SCN2A: variants seen among roughly 807,000 people sequenced by gnomAD.
The protein encoded by SCN2A is sodium voltage-gated channel alpha subunit 2.
Under a neutral mutation model 188.7 loss-of-function variants are expected in SCN2A, and 20 were observed. The ratio of observed to expected loss-of-function variants is 0.11; its 90% CI spans 0.07 to 0.15. The LOEUF (loss-of-function observed/expected upper bound fraction) is 0.15, where lower values mean the gene tolerates loss of function less well. SCN2A is among the 10% of genes least tolerant of loss of function. The pLI, the probability that SCN2A is intolerant of heterozygous loss-of-function variation, is 1.00. For synonymous variants in SCN2A, 804 were observed against 833.1 expected, an observed-to-expected ratio of 0.97 and a Z score of 0.60; for missense variants, 1,278 against 2,445.0, an observed-to-expected ratio of 0.52 and a Z score of 10.07.
chr2:165,349,616 T>G (rs545526215), intron 16 of SCN2A, among the ~76,000 whole-genome samples: 1 of 152,330 alleles, frequency 6.6e-6, no homozygotes, highest in South Asian at 2.1e-4. Context: ...AAGATATAGT[T>G]TATAAAATAA....
intron 20 of SCN2A, 49 bp downstream of exon 20, chr2:165,370,348 G>A (rs1365550778): frequency 3.2e-6 from 5 of 1,585,778 alleles, no homozygotes; most frequent in Non-Finnish European, 4.3e-6. Flanking sequence ...ATATGTAATA[G>A]TTCTAGCAAT....
At chr2:165,337,483 T>C (rs1250497533) in intron 14 of SCN2A, among the ~76,000 whole-genome samples, 1 of 152,088 alleles carries the variant, frequency 6.6e-6, no homozygotes, top group African/African-American at 2.4e-5. Flanking sequence ...TATAAAATGT[T>C]AGTGAACATC....
intron 15 of SCN2A, 50 bp from the exon 16 acceptor site, chr2:165,344,505 A>AT (rs760737676): frequency 6.3e-5 from 77 of 1,229,738 alleles, no homozygotes; most frequent in Middle Eastern, 4.1e-4. Flanking sequence ...AAAATTGCAG[A>AT]TTTTTTTAGA....
intron 3 of SCN2A, among the ~76,000 whole-genome samples, chr2:165,302,840 C>G (rs59285490): frequency 0.02 from 3,036 of 152,194 alleles, 83 homozygotes; most frequent in African/African-American, 0.063. Flanking sequence ...ACAATTTTCA[C>G]TAAAAACTTG....
At chr2:165,345,191 G>A (rs1039682804) in intron 16 of SCN2A, among the ~76,000 whole-genome samples, 7 of 152,118 alleles carry the variant, frequency 4.6e-5, no homozygotes, top group African/African-American at 1.7e-4. Flanking sequence ...CTAGAGCATG[G>A]AAGTGTTACT....
intron 4 of SCN2A, 57 bp downstream of exon 4, chr2:165,307,994 AAC>A: frequency 1.7e-6 from 2 of 1,174,534 alleles, no homozygotes; most frequent in Non-Finnish European, 2.6e-6. Context: ...TTGTGCTTTT[AAC>A]ACCTTGAGAC....
intron 8 of SCN2A, 82 bp from the exon 9 acceptor site, chr2:165,313,538 C>T (rs1031630342): frequency 2.6e-6 from 4 of 1,533,688 alleles, no homozygotes; most frequent in Admixed American, 3.4e-5. Context: ...ATAAAACAGA[C>T]ATTGGCATAT....
intron 3 of SCN2A, among the ~76,000 whole-genome samples, chr2:165,306,081 G>T (rs904290711): frequency 5.9e-5 from 9 of 152,260 alleles, no homozygotes; most frequent in Admixed American, 3.9e-4. Flanking sequence ...GGAAAGAATT[G>T]GTCTCAATGT....
At chr2:165,388,574 T>G (rs1444356410) in intron 26 of SCN2A, 55 bp from the exon 27 acceptor site, 3 of 1,610,468 alleles carry the variant, frequency 1.9e-6, no homozygotes, top group African/African-American at 1.3e-5. Context: ...ATGTAAACTT[T>G]CATTTGCTAC....
chr2:165,308,899 TAGTA>T (rs1697282135), intron 5 of SCN2A, 105 bp downstream of exon 5: 1 of 1,380,040 alleles, frequency 7.2e-7, no homozygotes, highest in Admixed American at 1.9e-5. Context: ...GCATTTTTCT[TAGTA>T]ATCATAGTTT....
intron 1 of SCN2A, among the ~76,000 whole-genome samples, chr2:165,284,739 T>C (rs1695755183): frequency 6.6e-6 from 1 of 152,146 alleles, no homozygotes; most frequent in Admixed American, 6.5e-5. Flanking sequence ...TCCTGGGAAA[T>C]TTTCTTTCTT....
chr2:165,314,558 A>G (rs963439769), intron 10 of SCN2A, among the ~76,000 whole-genome samples: 2 of 152,186 alleles, frequency 1.3e-5, no homozygotes, highest in Non-Finnish European at 2.9e-5. Flanking sequence ...TGAGTCTGGA[A>G]AGGCAAAGGC....
chr2:165,324,852 A>C (rs1698267309), intron 12 of SCN2A, among the ~76,000 whole-genome samples: 1 of 152,190 alleles, frequency 6.6e-6, no homozygotes, highest in Non-Finnish European at 1.5e-5. Flanking sequence ...AATTTCTTTA[A>C]ATCAAAAAGA....
intron 20 of SCN2A, 55 bp from the exon 21 acceptor site, chr2:165,373,170 C>T (rs762774827): frequency 3.3e-5 from 53 of 1,584,902 alleles, no homozygotes; most frequent in Non-Finnish European, 4.3e-5. Context: ...CAAGGCTGAA[C>T]TGTGTAGACA....
Position 165,381,087 on chromosome 2 carries a change from C to T in SCN2A, c.4447-6C>T, listed in dbSNP as rs1173151782. Reference sequence around the variant, plus strand: ...ATTTTAACAAGTGTTGCTTTCATTTCTTTACTTTGGAGGTCAAGACATTTT... The same window carrying T: ...ATTTTAACAAGTGTTGCTTTCATTTTTTTACTTTGGAGGTCAAGACATTTT... On this transcript the variant is annotated splice_region_variant and splice_polypyrimidine_tract_variant and intron_variant, in intron 24 of 26. Coordinates refer to ENST00000375437, the MANE Select transcript of SCN2A (RefSeq NM_001040142.2). The T allele has an allele frequency of 1.0e-5, 16 of 1,557,132 alleles. No homozygotes were observed. Among genetic ancestry groups the T allele is most frequent in the Non-Finnish European group, 1.4e-5 (16 of 1,141,814 alleles).
intron 1 of SCN2A, among the ~76,000 whole-genome samples, chr2:165,247,635 C>G (rs186276883): frequency 3.7e-4 from 56 of 152,272 alleles, no homozygotes; most frequent in African/African-American, 1.3e-3. Context: ...CTTTACTCTG[C>G]CTTCCCAGAC....
intron 19 of SCN2A, among the ~76,000 whole-genome samples, chr2:165,369,499 G>C (rs187650423): frequency 2.0e-5 from 3 of 152,258 alleles, no homozygotes; most frequent in Admixed American, 1.3e-4. Flanking sequence ...TTTAATCCAG[G>C]CTGCCAGGTT....
chr2:165,280,832 T>G (rs1695552963), intron 1 of SCN2A, among the ~76,000 whole-genome samples: 1 of 152,160 alleles, frequency 6.6e-6, no homozygotes, highest in South Asian at 2.1e-4. Flanking sequence ...TTAAGCCACA[T>G]CTCAGTGTCT....
At chr2:165,261,819 G>A (rs1249803737) in intron 1 of SCN2A, among the ~76,000 whole-genome samples, 1 of 152,194 alleles carries the variant, frequency 6.6e-6, no homozygotes, top group Non-Finnish European at 1.5e-5. Context: ...TCATACCAAA[G>A]TGTTGATTTG....
Sources: allele counts gnomAD v4.1 joint callset (sites outside exome capture counted in the v4.1 genomes callset), GRCh38; gene constraint gnomAD v4.1.1; transcripts MANE v1.5; gene names NCBI Gene and HGNC (gene_info 2026-07-23, HGNC 2026-07-21).